CSTPP1: variants seen among roughly 807,000 people sequenced by gnomAD.
CSTPP1 encodes UPF0705 protein C11orf49.
chr11:47,100,807 G>T, the CSTPP1 span, among the ~76,000 whole-genome samples: 1 of 152,026 alleles, frequency 6.6e-6, no homozygotes, highest in Non-Finnish European at 1.5e-5. Flanking sequence ...AAACAAAAGA[G>T]ATAGTGTTAT....
At chr11:47,026,006 G>T in the CSTPP1 span, among the ~76,000 whole-genome samples, 1 of 152,190 alleles carries the variant, frequency 6.6e-6, no homozygotes. Context: ...GGAATGGCAG[G>T]ATCTGCAGAT....
At chr11:46,990,142 G>A in the CSTPP1 span, among the ~76,000 whole-genome samples, 1 of 151,770 alleles carries the variant, frequency 6.6e-6, no homozygotes, top group Non-Finnish European at 1.5e-5. Flanking sequence ...TTTTCCTTTG[G>A]CATACCCACT....
chr11:47,078,303 G>A, the CSTPP1 span, among the ~76,000 whole-genome samples: 1 of 152,344 alleles, frequency 6.6e-6, no homozygotes, highest in African/African-American at 2.4e-5. Context: ...TTTTAGTTGA[G>A]TGACGGAAGC....
the CSTPP1 span, among the ~76,000 whole-genome samples, chr11:47,134,891 C>T: frequency 6.6e-6 from 1 of 152,136 alleles, no homozygotes; most frequent in Non-Finnish European, 1.5e-5. Context: ...CTTTGGGAAG[C>T]TGAGGCGGGA....
the CSTPP1 span, among the ~76,000 whole-genome samples, chr11:46,952,069 A>G: frequency 4.6e-5 from 7 of 152,150 alleles, no homozygotes; most frequent in Non-Finnish European, 4.4e-5. Context: ...AAAACAAAAC[A>G]AAAAACCTCC....
At chr11:47,080,204 C>A in the CSTPP1 span, among the ~76,000 whole-genome samples, 1 of 152,066 alleles carries the variant, frequency 6.6e-6, no homozygotes, top group African/African-American at 2.4e-5. Flanking sequence ...GCCTGTAATC[C>A]CAACACTTGG....
the CSTPP1 span, among the ~76,000 whole-genome samples, chr11:46,938,502 GA>G: frequency 7.2e-6 from 1 of 138,386 alleles, no homozygotes; most frequent in Non-Finnish European, 1.6e-5. Flanking sequence ...TCACTGTCCT[GA>G]AAAATCCCCT....
the CSTPP1 span, among the ~76,000 whole-genome samples, chr11:46,975,000 A>T: frequency 2.0e-5 from 3 of 151,282 alleles, no homozygotes; most frequent in Non-Finnish European, 4.4e-5. Context: ...AAGAAAAAAA[A>T]GTCTGGGTGC....
At chr11:46,968,590 C>T in the CSTPP1 span, among the ~76,000 whole-genome samples, 1 of 151,288 alleles carries the variant, frequency 6.6e-6, no homozygotes, top group East Asian at 1.9e-4. Context: ...CTTGATCACC[C>T]CCCCGAACAA....
the CSTPP1 span, chr11:47,155,292 C>T: frequency 5.1e-6 from 8 of 1,568,606 alleles, no homozygotes; most frequent in African/African-American, 1.1e-4. Flanking sequence ...TCTGGCTCCG[C>T]ACAGGACCCT....
the CSTPP1 span, among the ~76,000 whole-genome samples, chr11:46,944,224 A>G: frequency 6.9e-6 from 1 of 144,802 alleles, no homozygotes; most frequent in Non-Finnish European, 1.5e-5. Flanking sequence ...AGGTTGAGAC[A>G]CGAGAATTGC....
chr11:46,958,573 G>A, the CSTPP1 span, among the ~76,000 whole-genome samples: 1 of 152,114 alleles, frequency 6.6e-6, no homozygotes, highest in African/African-American at 2.4e-5. Context: ...AAGTCCCAAT[G>A]TGCTGGGGTT....
chr11:47,071,887 C>T, the CSTPP1 span, among the ~76,000 whole-genome samples: 1 of 152,218 alleles, frequency 6.6e-6, no homozygotes, highest in African/African-American at 2.4e-5. Flanking sequence ...AATAAACATG[C>T]TGTGACTTGG....
chr11:47,095,767 TC>T, the CSTPP1 span, among the ~76,000 whole-genome samples: 1 of 152,144 alleles, frequency 6.6e-6, no homozygotes, highest in East Asian at 1.9e-4. Flanking sequence ...GCAGAACAGT[TC>T]CCAAGGAGTA....
the CSTPP1 span, among the ~76,000 whole-genome samples, chr11:47,071,027 C>T: frequency 6.6e-6 from 1 of 152,086 alleles, no homozygotes; most frequent in Non-Finnish European, 1.5e-5. Context: ...CAGTCCTGCC[C>T]ATCCTCAAAT....
At chr11:47,154,852 CA>C in the CSTPP1 span, 111 of 446,874 alleles carry the variant, frequency 2.5e-4, no homozygotes, top group African/African-American at 2.0e-3. Context: ...ATTACAGTTG[CA>C]CCCTCTCCTC....
At chr11:47,122,831 G>A in the CSTPP1 span, among the ~76,000 whole-genome samples, 3 of 151,992 alleles carry the variant, frequency 2.0e-5, no homozygotes, top group Non-Finnish European at 4.4e-5. Flanking sequence ...CACCGGCCTC[G>A]GCCTCCCAAA....
chr11:47,038,377 G>C, the CSTPP1 span, among the ~76,000 whole-genome samples: 2 of 81,610 alleles, frequency 2.5e-5, 1 homozygote, highest in East Asian at 6.7e-4. Flanking sequence ...GGACAGAGGG[G>C]CTCCTCACTT....
chr11:46,970,985 G>A, the CSTPP1 span, among the ~76,000 whole-genome samples: 1 of 152,156 alleles, frequency 6.6e-6, no homozygotes, highest in East Asian at 1.9e-4. Flanking sequence ...GAAGTATTAA[G>A]TGAAAAAATG....
Sources: allele counts gnomAD v4.1 joint callset (sites outside exome capture counted in the v4.1 genomes callset), GRCh38; gene constraint gnomAD v4.1.1; transcripts MANE v1.5; gene names NCBI Gene and HGNC (gene_info 2026-07-23, HGNC 2026-07-21).